KSR2: variants seen among roughly 807,000 people sequenced by gnomAD.
KSR2 encodes the protein kinase suppressor of ras 2.
In KSR2, 25 loss-of-function variants were observed where a neutral mutation model predicts 107.8. The ratio of observed to expected loss-of-function variants is 0.23; its 90% confidence interval spans 0.17 to 0.32. KSR2 has a LOEUF of 0.32. KSR2 is among the 10% of genes least tolerant of loss of function. The pLI is 1.00. For missense variants in KSR2, 887 were observed against 1,268.9 expected (o/e 0.70, Z 4.57); for synonymous variants, 480 against 507.0 (o/e 0.95, Z 0.71).
At chr12:117,646,330 C>T (rs538149580) in intron 5 of KSR2, among the ~76,000 whole-genome samples, 1 of 152,196 alleles carries the variant, frequency 6.6e-6, no homozygotes, top group African/African-American at 2.4e-5. Context: ...ACCTATCCAG[C>T]CATTTCCAGC....
chr12:117,843,812 G>T (rs1892592528), intron 3 of KSR2, among the ~76,000 whole-genome samples: 1 of 152,114 alleles, frequency 6.6e-6, no homozygotes, highest in South Asian at 2.1e-4. Flanking sequence ...ATCCAAGCCT[G>T]TCTTCATGGT....
intron 5 of KSR2, among the ~76,000 whole-genome samples, chr12:117,610,807 T>C (rs1881553973): frequency 6.7e-6 from 1 of 150,062 alleles, no homozygotes; most frequent in Non-Finnish European, 1.5e-5. Context: ...CGAATACATG[T>C]ATAAGTAGGT....
intron 14 of KSR2, among the ~76,000 whole-genome samples, chr12:117,492,187 G>T (rs1872781737): frequency 6.6e-6 from 1 of 152,182 alleles, no homozygotes; most frequent in Non-Finnish European, 1.5e-5. Context: ...CCTATCTCAG[G>T]TGACACAGAG....
chr12:117,848,388 G>A (rs1477967576), intron 3 of KSR2, among the ~76,000 whole-genome samples: 4 of 152,228 alleles, frequency 2.6e-5, no homozygotes, highest in Non-Finnish European at 4.4e-5. Context: ...TGGTGAGAAC[G>A]TGCTCTTCCT....
Position 117,956,941 on chromosome 12 carries a change from C to A in KSR2, c.180+11135G>T, listed in dbSNP as rs559450852. 1.6e-4 allele frequency among the ~76,000 whole-genome samples: 24 copies of A among 152,326 alleles called. 1 individual carries two copies. Among genetic ancestry groups the A allele is most frequent in the East Asian group, 1.5e-3 (8 of 5,188 alleles). On this transcript the variant is annotated intron_variant, in intron 1 of 19. Coordinates refer to ENST00000339824, the MANE Select transcript of KSR2 (RefSeq NM_173598.6). ...TATCTCCCTCTCTTTATCTCATCCT[C>A]CCCTGTCTCTATGTTTCTACTTTGT...
At chr12:117,950,638 G>A (rs947776032) in intron 1 of KSR2, among the ~76,000 whole-genome samples, 5 of 151,496 alleles carry the variant, frequency 3.3e-5, no homozygotes. Context: ...CTACTTGGAA[G>A]GCTGAGGTGG....
At chr12:117,474,193 A>G (rs926949660) in intron 17 of KSR2, among the ~76,000 whole-genome samples, 3 of 152,242 alleles carry the variant, frequency 2.0e-5, no homozygotes, top group African/African-American at 7.2e-5. Flanking sequence ...GCTGAAGATG[A>G]AAACTCCAGC....
chr12:117,767,879 T>C (rs998726982), intron 3 of KSR2, among the ~76,000 whole-genome samples: 1 of 151,454 alleles, frequency 6.6e-6, no homozygotes, highest in African/African-American at 2.4e-5. Flanking sequence ...AAGGGGACGC[T>C]GAGAACTAAG....
intron 4 of KSR2, among the ~76,000 whole-genome samples, chr12:117,686,251 A>T (rs1885571720): frequency 1.0e-5 from 1 of 95,484 alleles, no homozygotes; most frequent in Admixed American, 1.1e-4. Context: ...TTTTTAGCAG[A>T]GATGAGGTCT....
intron 3 of KSR2, among the ~76,000 whole-genome samples, chr12:117,837,886 G>A (rs1429552756): frequency 2.0e-5 from 3 of 152,206 alleles, no homozygotes; most frequent in African/African-American, 4.8e-5. Flanking sequence ...CTCTGTGTGG[G>A]GAAAGGAGGA....
At chr12:117,583,963 C>T (rs1406272881) in intron 5 of KSR2, among the ~76,000 whole-genome samples, 4 of 152,214 alleles carry the variant, frequency 2.6e-5, no homozygotes, top group Non-Finnish European at 5.9e-5. Context: ...ATGTCAGAAC[C>T]TATCACAGAG....
intron 9 of KSR2, among the ~76,000 whole-genome samples, chr12:117,551,455 A>G (rs1031894618): frequency 6.6e-6 from 1 of 152,170 alleles, no homozygotes; most frequent in Non-Finnish European, 1.5e-5. Context: ...TATTATGTCT[A>G]TTTTACATAA....
intron 5 of KSR2, among the ~76,000 whole-genome samples, chr12:117,602,547 C>T (rs188565685): frequency 2.8e-4 from 43 of 152,226 alleles, no homozygotes; most frequent in African/African-American, 8.9e-4. Context: ...TGAGGTTTAT[C>T]GATATTGTAA....
intron 1 of KSR2, among the ~76,000 whole-genome samples, chr12:117,871,475 T>C (rs185183376): frequency 2.2e-4 from 33 of 151,916 alleles, no homozygotes; most frequent in Non-Finnish European, 3.5e-4. Flanking sequence ...TGTAATCCCA[T>C]TTATCAGGAG....
chr12:117,910,799 G>A (rs990428362), intron 1 of KSR2, among the ~76,000 whole-genome samples: 3 of 152,082 alleles, frequency 2.0e-5, no homozygotes, highest in Non-Finnish European at 2.9e-5. Context: ...CTAGCATGTG[G>A]CACACTATAG....
intron 4 of KSR2, among the ~76,000 whole-genome samples, chr12:117,676,141 G>A (rs1314392080): frequency 6.6e-6 from 1 of 152,208 alleles, no homozygotes; most frequent in Non-Finnish European, 1.5e-5. Context: ...GAGCAGTTTG[G>A]AAAAGCAAAG....
intron 1 of KSR2, among the ~76,000 whole-genome samples, chr12:117,868,875 C>T (rs1354417880): frequency 2.0e-5 from 3 of 151,862 alleles, no homozygotes; most frequent in Non-Finnish European, 2.9e-5. Context: ...CTCAGCCTCC[C>T]GAGTAGGTGG....
chr12:117,884,321 G>A (rs1259560755), intron 1 of KSR2, among the ~76,000 whole-genome samples: 1 of 152,204 alleles, frequency 6.6e-6, no homozygotes. Flanking sequence ...ACATGAGAAT[G>A]AGAATGAGAA....
intron 15 of KSR2, 28 bp from the exon 16 acceptor site, chr12:117,484,577 C>T (rs771094138): frequency 3.4e-5 from 54 of 1,611,296 alleles, no homozygotes; most frequent in Non-Finnish European, 4.2e-5. Flanking sequence ...CAGAGAGTTG[C>T]CAGAGAAAAA....
Sources: gnomAD v4.1 joint callset for allele counts (sites outside exome capture counted in the v4.1 genomes callset) on GRCh38, gnomAD v4.1.1 for gene constraint, MANE v1.5 for transcripts, NCBI Gene and HGNC (gene_info 2026-07-23, HGNC 2026-07-21) for gene names.